Variants in SYNRG observed in about 807,000 individuals in gnomAD.
SYNRG encodes the protein synergin gamma, also known as AP1 gamma subunit binding protein 1.
SYNRG carries 37 observed loss-of-function variants against 130.9 expected under a neutral mutation model. The ratio of observed to expected loss-of-function variants is 0.28; its 90% CI spans 0.22 to 0.37. SYNRG has a LOEUF of 0.37. Ranked by LOEUF, SYNRG falls within the 10% of genes least tolerant of loss-of-function variation. The pLI is 1.00. For missense variants in SYNRG, 1,338 were observed against 1,588.9 expected, an observed-to-expected ratio of 0.84 and a Z score of 2.68; for synonymous variants, 539 against 568.1, an observed-to-expected ratio of 0.95 and a Z score of 0.73.
At chr17:37,602,651 T>C (rs2063392181) in intron 1 of SYNRG, among the ~76,000 whole-genome samples, 1 of 152,150 alleles carries the variant, frequency 6.6e-6, no homozygotes, top group African/African-American at 2.4e-5. Context: ...GAAGAGACCC[T>C]AGGGAGAAAA....
intron 21 of SYNRG, 57 bp downstream of exon 21, chr17:37,520,122 C>T: frequency 1.9e-6 from 3 of 1,582,328 alleles, no homozygotes; most frequent in Non-Finnish European, 2.6e-6. Flanking sequence ...ATCCAATTTG[C>T]CCTCCACACT....
At chr17:37,519,208 G>A (rs143458802) in intron 21 of SYNRG, 137 bp from the exon 22 acceptor site, 22 of 1,146,250 alleles carry the variant, frequency 1.9e-5, no homozygotes, top group Middle Eastern at 2.1e-4. Flanking sequence ...AAAGCTGAGC[G>A]GATAGCTACA....
chr17:37,518,839 AG>A lies in SYNRG; in HGVS notation c.*100del, dbSNP rs933960447. ...CTTGCGGTGTTCTTCATATCGATTC[AG>A]GGAAGCGAACTGTGCAGTGCTCGCA... is the stretch of plus-strand genomic sequence containing the variant. On this transcript the variant is annotated 3_prime_UTR_variant, in exon 22 of 22. Transcript: ENST00000612223. The A allele has an allele frequency of 2.2e-5, 32 of 1,480,712 alleles. No homozygotes were observed. The African/African-American group carries it at 4.1e-4, about 19-fold the overall frequency. The allele number at this position is 1,480,712 out of a possible 1,614,324, so 91.7% of individuals were successfully genotyped here. A position where few individuals can be genotyped will look rare whatever the true frequency, so the allele number is the denominator to read the frequency against.
At chr17:37,553,023 G>C (rs943868670) in intron 14 of SYNRG, 92 bp downstream of exon 14, 1 of 1,176,854 alleles carries the variant, frequency 8.5e-7, no homozygotes, top group Admixed American at 2.5e-5. Context: ...TAAAGCTAAA[G>C]GGCCAGAGCC....
At chr17:37,548,838 A>C (rs2058486795) in intron 14 of SYNRG, among the ~76,000 whole-genome samples, 1 of 148,596 alleles carries the variant, frequency 6.7e-6, no homozygotes, top group South Asian at 2.1e-4. Flanking sequence ...AAAAAAAAAA[A>C]AAAAACACAC....
At chr17:37,591,946 GT>G in intron 3 of SYNRG, among the ~76,000 whole-genome samples, 1 of 152,234 alleles carries the variant, frequency 6.6e-6, no homozygotes, top group East Asian at 1.9e-4. Flanking sequence ...GGAAAAACTG[GT>G]AAATTAAATT....
chr17:37,572,079 A>C (rs2060476256), intron 8 of SYNRG, 92 bp from the exon 9 acceptor site: 1 of 1,096,804 alleles, frequency 9.1e-7, no homozygotes, highest in Admixed American at 2.3e-5. Context: ...AATAATCTTC[A>C]ACAAAACTGC....
chr17:37,563,702 AATTTTTGC>A (rs2059711449), intron 11 of SYNRG, among the ~76,000 whole-genome samples: 1 of 151,872 alleles, frequency 6.6e-6, no homozygotes, highest in South Asian at 2.1e-4. Context: ...ATGCACAGCT[AATTTTTGC>A]ATTTTTTGTA....
intron 14 of SYNRG, among the ~76,000 whole-genome samples, chr17:37,548,197 A>G (rs1309611412): frequency 6.6e-6 from 1 of 152,246 alleles, no homozygotes; most frequent in Non-Finnish European, 1.5e-5. Flanking sequence ...AAAGCCATCA[A>G]GAGATTGGTT....
intron 3 of SYNRG, among the ~76,000 whole-genome samples, chr17:37,594,214 AATT>A (rs1482643043): frequency 2.2e-5 from 2 of 91,896 alleles, no homozygotes; most frequent in East Asian, 1.7e-3. Context: ...TTACAATATT[AATT>A]ATTTTAATTA....
intron 19 of SYNRG, among the ~76,000 whole-genome samples, chr17:37,522,466 T>C (rs954246980): frequency 2.6e-4 from 40 of 151,652 alleles, no homozygotes; most frequent in Non-Finnish European, 1.8e-4. Flanking sequence ...AGCACACTTT[T>C]ATTTTTATTT....
intron 19 of SYNRG, among the ~76,000 whole-genome samples, chr17:37,529,232 G>A (rs1266569098): frequency 1.3e-5 from 2 of 152,200 alleles, no homozygotes; most frequent in South Asian, 2.1e-4. Flanking sequence ...TATGTGAACA[G>A]GGCAACGCTC....
At chr17:37,521,072 GC>G (rs1261193791) in intron 19 of SYNRG, among the ~76,000 whole-genome samples, 1 of 146,140 alleles carries the variant, frequency 6.8e-6, no homozygotes, top group African/African-American at 2.5e-5. Flanking sequence ...TCACTCTGTC[GC>G]CCAGGCTGGA....
At chr17:37,542,773 T>C (rs2057889463) in intron 14 of SYNRG, among the ~76,000 whole-genome samples, 1 of 152,178 alleles carries the variant, frequency 6.6e-6, no homozygotes, top group African/African-American at 2.4e-5. Context: ...GCATTTACAT[T>C]TAGTTACCAA....
At chr17:37,544,119 T>A (rs1430432373) in intron 14 of SYNRG, among the ~76,000 whole-genome samples, 1 of 152,194 alleles carries the variant, frequency 6.6e-6, no homozygotes, top group East Asian at 1.9e-4. Context: ...CTCTCTTTCT[T>A]TGAGCTGTTA....
At chr17:37,602,284 C>T (rs1263584606) in intron 1 of SYNRG, among the ~76,000 whole-genome samples, 1 of 151,640 alleles carries the variant, frequency 6.6e-6, no homozygotes, top group Non-Finnish European at 1.5e-5. Flanking sequence ...TTGCAGTGAG[C>T]CAAGATCGCG....
At chr17:37,557,066 A>G (rs956419743) in intron 13 of SYNRG, 2 of 152,224 alleles carry the variant, frequency 1.3e-5, no homozygotes, top group Non-Finnish European at 2.9e-5. Context: ...GTCACAGTCA[A>G]TGGAAGCTTG....
chr17:37,594,211 ATTAATTATTTTAATT>A (rs2062493378), intron 3 of SYNRG, among the ~76,000 whole-genome samples: 30 of 97,290 alleles, frequency 3.1e-4, no homozygotes, highest in Non-Finnish European at 4.8e-4. Flanking sequence ...TAATTACAAT[ATTAATTATTTTAATT>A]ATATTAATTA....
At chr17:37,554,574 T>C (rs2058961117) in intron 13 of SYNRG, among the ~76,000 whole-genome samples, 2 of 152,180 alleles carry the variant, frequency 1.3e-5, no homozygotes, top group Non-Finnish European at 2.9e-5. Flanking sequence ...CCAGGCACTT[T>C]AAGAATAACA....
Sources: allele counts gnomAD v4.1 joint callset (sites outside exome capture counted in the v4.1 genomes callset), GRCh38; gene constraint gnomAD v4.1.1; transcripts MANE v1.5; gene names NCBI Gene and HGNC (gene_info 2026-07-23, HGNC 2026-07-21).